Variants in VPS13B observed in about 807,000 individuals in gnomAD.
The protein encoded by VPS13B is intermembrane lipid transfer protein VPS13B.
In VPS13B, 285 loss-of-function variants were observed where a neutral mutation model predicts 426.4. The observed-to-expected ratio is 0.67, with a 90% CI of 0.61 to 0.74. VPS13B has a LOEUF of 0.74. Ranked by LOEUF, VPS13B falls within the 30% of genes least tolerant of loss-of-function variation. The probability of loss-of-function intolerance (pLI) is 0.00; values close to 1 mark genes in which losing one functional copy is unlikely to be tolerated. For synonymous variants in VPS13B, 1,676 were observed against 1,676.4 expected (o/e 1.00, Z 0.01); for missense variants, 4,537 against 4,782.6 (o/e 0.95, Z 1.51).
intron 24 of VPS13B, among the ~76,000 whole-genome samples, chr8:99,472,357 T>C (rs1230184664): frequency 6.6e-6 from 1 of 152,000 alleles, no homozygotes; most frequent in Non-Finnish European, 1.5e-5. Context: ...AAAAATCACA[T>C]GAAAGTATTA....
At chr8:99,584,107 G>A (rs1481271611) in intron 33 of VPS13B, among the ~76,000 whole-genome samples, 1 of 152,144 alleles carries the variant, frequency 6.6e-6, no homozygotes, top group Admixed American at 6.5e-5. Context: ...AAAAGGACAA[G>A]AGGGGCTGTG....
In VPS13B at chr8:99,870,815, T is replaced by C; in HGVS notation, c.11423T>C (p.Leu3808Pro). The C allele has an allele frequency of 6.2e-7, 1 of 1,614,196 alleles. No individual in the cohort carries two copies. Among genetic ancestry groups the C allele is most frequent in the Non-Finnish European group, 8.5e-7 (1 of 1,180,016 alleles). ...TTACATGGAGCTGGACTTTCTCAGC[T>C]TCCCAAACAGCGCCATCAGCCAAGT... ...GILHGAGLSQ[L>P]PKQRHQPSDL... The change falls in exon 60 of 62, where the codon CTT becomes CCT. Residue 3808 changes from leucine (L) to proline (P), a missense_variant. Physicochemically the swap from Leu to Pro is moderately conservative, Grantham distance 98 (BLOSUM62 -3). This residue lies in a region of VPS13B where 4,311 missense variants were observed against 4,474.3 expected (regional missense o/e 0.96). Coordinates refer to ENST00000357162, the MANE Select transcript of VPS13B (RefSeq NM_152564.5).
intron 43 of VPS13B, among the ~76,000 whole-genome samples, chr8:99,806,487 CTT>C (rs1813408159): frequency 6.6e-6 from 1 of 152,182 alleles, no homozygotes; most frequent in Non-Finnish European, 1.5e-5. Flanking sequence ...TTCCTGACTG[CTT>C]CATGTTAGTT....
chr8:99,328,773 A>C (rs1810409529), intron 19 of VPS13B, among the ~76,000 whole-genome samples: 1 of 152,128 alleles, frequency 6.6e-6, no homozygotes, highest in Admixed American at 6.6e-5. Flanking sequence ...ATTCTTTGAT[A>C]TCTTCTGAGG....
chr8:99,454,970 G>A lies in VPS13B; in HGVS notation c.3445+12335G>A, dbSNP rs559113055. ...GTCTTTGGCCCATTTTTAAAAATAG[G>A]CTTTTTAAATTGTTGAGTTTTCTTT... On this transcript the variant is annotated intron_variant, in intron 23 of 61. Coordinates refer to ENST00000357162, the MANE Select transcript of VPS13B (RefSeq NM_152564.5). Among the ~76,000 whole-genome samples, 140 of 152,196 alleles carry A rather than the reference G, an allele frequency of 9.2e-4. 1 individual carries two copies. The highest frequency in any genetic ancestry group is 2.8e-3 in the African/African-American group (118 of 41,546).
chr8:99,600,081 C>T (rs1827211330), intron 33 of VPS13B, among the ~76,000 whole-genome samples: 1 of 152,128 alleles, frequency 6.6e-6, no homozygotes, highest in Admixed American at 6.6e-5. Context: ...CTCAGTGCAG[C>T]TTTTGTCAGA....
At chr8:99,723,741 T>C (rs1833222437) in intron 39 of VPS13B, among the ~76,000 whole-genome samples, 1 of 152,148 alleles carries the variant, frequency 6.6e-6, no homozygotes, top group Non-Finnish European at 1.5e-5. Flanking sequence ...AGCAAAGAGT[T>C]GGTATCAAAA....
chr8:99,853,567 AC>A lies in VPS13B; in HGVS notation c.10179del (p.Asn3393LysfsTer37). The A allele has an allele frequency of 6.2e-7, 1 of 1,614,186 alleles. No individual in the cohort carries two copies. Among genetic ancestry groups the A allele is most frequent in the Non-Finnish European group, 8.5e-7 (1 of 1,180,048 alleles). On this transcript the variant is annotated frameshift_variant, in exon 56 of 62. Coordinates refer to ENST00000357162, the MANE Select transcript of VPS13B (RefSeq NM_152564.5). LOFTEE classifies it high-confidence loss of function. Reference sequence around the variant, plus strand: ...GAGCTTCTGAGACTCACACTGGACAACATTTTTCTCTGTGTGGCCCCGGGAG... The same window carrying A: ...GAGCTTCTGAGACTCACACTGGACAAATTTTTCTCTGTGTGGCCCCGGGAG... ...SAELLRLTLD[N>X]IFLCVAPGAG... is the part of the protein sequence containing the mutation.
intron 37 of VPS13B, among the ~76,000 whole-genome samples, 171 bp downstream of exon 37, chr8:99,717,544 A>G (rs988215725): frequency 3.9e-5 from 6 of 152,160 alleles, no homozygotes; most frequent in African/African-American, 9.7e-5. Context: ...TATACCAGCA[A>G]TCTACCTATT....
At chr8:99,180,218 A>G (rs1245631660) in intron 16 of VPS13B, among the ~76,000 whole-genome samples, 3 of 152,190 alleles carry the variant, frequency 2.0e-5, no homozygotes, top group African/African-American at 7.2e-5. Context: ...TCAGTTAACC[A>G]TTATTTAAGC....
intron 22 of VPS13B, among the ~76,000 whole-genome samples, chr8:99,437,843 C>G (rs1267961102): frequency 6.6e-6 from 1 of 152,122 alleles, no homozygotes; most frequent in Non-Finnish European, 1.5e-5. Flanking sequence ...TCTATTAAAG[C>G]TATGTTTTTA....
At chr8:99,027,599 C>T (rs1842206175) in intron 2 of VPS13B, among the ~76,000 whole-genome samples, 1 of 151,814 alleles carries the variant, frequency 6.6e-6, no homozygotes, top group South Asian at 2.1e-4. Context: ...TCCTTCATTT[C>T]TGAAGGGTAG....
chr8:99,823,815 T>C lies in VPS13B; in HGVS notation c.9184-17T>C, dbSNP rs780438849. 1.9e-6 allele frequency: 3 copies of C among 1,611,866 alleles called. No individual in the cohort carries two copies. Among genetic ancestry groups the C allele is most frequent in the Non-Finnish European group, 2.5e-6 (3 of 1,179,100 alleles). ...TTACAGTATTGTCAAAATTATTTTT[T>C]CTCAATTATCTTGTAGTTATGTCAG... On this transcript the variant is annotated splice_polypyrimidine_tract_variant and intron_variant, in intron 50 of 61. Transcript: ENST00000357162.
At chr8:99,581,944 G>A (rs2133820215) in intron 33 of VPS13B, among the ~76,000 whole-genome samples, 1 of 152,148 alleles carries the variant, frequency 6.6e-6, no homozygotes, top group Non-Finnish European at 1.5e-5. Context: ...AGTACAACAG[G>A]CACGTTATTT....
chr8:99,773,458 A>AAG (rs1811609342), intron 40 of VPS13B, among the ~76,000 whole-genome samples: 1 of 152,188 alleles, frequency 6.6e-6, no homozygotes, highest in African/African-American at 2.4e-5. Context: ...CAGTGCCATT[A>AAG]AGATAGGATC....
intron 33 of VPS13B, among the ~76,000 whole-genome samples, chr8:99,591,920 T>C (rs1826700693): frequency 6.6e-6 from 1 of 152,150 alleles, no homozygotes; most frequent in Non-Finnish European, 1.5e-5. Context: ...TTGGGGAAGT[T>C]CTCCTGGATA....
At chr8:99,300,324 A>T (rs1383710783) in intron 19 of VPS13B, among the ~76,000 whole-genome samples, 1 of 152,252 alleles carries the variant, frequency 6.6e-6, no homozygotes, top group Non-Finnish European at 1.5e-5. Context: ...TTTGATAAAC[A>T]GCAGGTTACT....
rs374116785 is a variant in VPS13B, at chr8:99,103,391, G to A, written c.580+271G>A. Among the ~76,000 whole-genome samples the A allele has an allele frequency of 1.1e-4, 16 of 149,750 alleles. No homozygotes were observed. In the East Asian group the frequency reaches 3.0e-3, roughly 28 times the overall value. ...GTTGCCCAGGCTGGAGTGCAGTGGT[G>A]TGATCTCAGCTCACTGCAACCTCTG... On this transcript the variant is annotated intron_variant, in intron 5 of 61. Coordinates refer to ENST00000357162, the MANE Select transcript of VPS13B (RefSeq NM_152564.5).
intron 17 of VPS13B, chr8:99,234,202 C>T (rs1467432421): frequency 9.0e-6 from 7 of 777,728 alleles, no homozygotes; most frequent in South Asian, 5.4e-5. Flanking sequence ...GAATAGTTCT[C>T]AAACTGATGC....
Sources: gnomAD v4.1 joint callset for allele counts (sites outside exome capture counted in the v4.1 genomes callset) on GRCh38, gnomAD v4.1.1 for gene constraint, gnomAD v4.1.1 regional missense constraint, MANE v1.5 for transcripts, NCBI Gene and HGNC (gene_info 2026-07-23, HGNC 2026-07-21) for gene names.